The following NCR1 variants were observed in gnomAD, a reference collection of about 807,000 sequenced individuals.
NCR1 encodes the protein NK cell-activating receptor.
A neutral mutation model predicts 32.5 loss-of-function variants in NCR1; 30 were observed. The ratio of observed to expected loss-of-function variants is 0.92; its 90% CI spans 0.69 to 1.25. NCR1 has a LOEUF of 1.25. NCR1 is among the 50% of genes most tolerant of loss of function. The probability of loss-of-function intolerance (pLI) is 0.00; values close to 1 mark genes in which losing one functional copy is unlikely to be tolerated. For missense variants in NCR1, 369 were observed against 380.7 expected (o/e 0.97, Z 0.26); for synonymous variants, 169 against 143.4 (o/e 1.18, Z -1.28).
At chr19:54,924,004 G>T in the NCR1 span, 2 of 977,538 alleles carry the variant, frequency 2.0e-6, no homozygotes, top group Non-Finnish European at 3.1e-6. Context: ...GTCTTGCTCT[G>T]TTGCCCAGGC....
downstream of NCR1, among the ~76,000 whole-genome samples, chr19:54,920,915 G>A (rs1374376821): frequency 6.6e-6 from 1 of 152,002 alleles, no homozygotes; most frequent in Non-Finnish European, 1.5e-5. Flanking sequence ...AGACTAGCCT[G>A]GCCAACATGG....
At chr19:54,914,924 G>A (rs2068103927), downstream of NCR1, among the ~76,000 whole-genome samples, 1 of 151,896 alleles carries the variant, frequency 6.6e-6, no homozygotes, top group African/African-American at 2.4e-5. Flanking sequence ...TGCATCTTTA[G>A]TAGAGGTAGG....
the NCR1 span, chr19:54,936,134 G>C: frequency 1.2e-6 from 1 of 811,238 alleles, no homozygotes; most frequent in Non-Finnish European, 2.1e-6. Context: ...CCCCACACAG[G>C]CCTGTTTGAG....
intron 3 of NCR1, among the ~76,000 whole-genome samples, chr19:54,908,783 C>A (rs1359521121): frequency 6.6e-6 from 1 of 151,680 alleles, no homozygotes; most frequent in Admixed American, 6.6e-5. Context: ...GCATGTGCCA[C>A]CACACCCGGC....
At chr19:54,924,835 C>T in the NCR1 span, among the ~76,000 whole-genome samples, 12,845 of 152,084 alleles carry the variant, frequency 0.084, 577 homozygotes, top group South Asian at 0.12. Context: ...ACTCAGGAGG[C>T]TGAGACAGGA....
the NCR1 span, among the ~76,000 whole-genome samples, chr19:54,921,182 T>C: frequency 6.6e-6 from 1 of 152,154 alleles, no homozygotes; most frequent in South Asian, 2.1e-4. Context: ...TGTAGAACCC[T>C]AAATGTTGAC....
chr19:54,919,228 A>T (rs1358233097), downstream of NCR1, among the ~76,000 whole-genome samples: 1 of 125,260 alleles, frequency 8.0e-6, no homozygotes, highest in Non-Finnish European at 1.8e-5. Flanking sequence ...CAAAGAGACA[A>T]GAGAAAAGGC....
At chr19:54,930,521 T>A in the NCR1 span, 334 of 1,611,414 alleles carry the variant, frequency 2.1e-4, no homozygotes, top group Admixed American at 3.5e-4. Flanking sequence ...AGGTTACAGT[T>A]TGGATTCTCT....
chr19:54,931,041 AC>A, the NCR1 span, among the ~76,000 whole-genome samples: 2 of 152,062 alleles, frequency 1.3e-5, no homozygotes, highest in South Asian at 2.1e-4. Flanking sequence ...AACAACAACA[AC>A]AAAAAGTATT....
At chr19:54,904,521 G>GTTTTCTTTTC (rs1315407394), upstream of NCR1, among the ~76,000 whole-genome samples, 1 of 142,760 alleles carries the variant, frequency 7.0e-6, no homozygotes, top group African/African-American at 2.6e-5. Context: ...GTGGTATTTG[G>GTTTTCTTTTC]TTTTCTTTTC....
Position 54,906,544 on chromosome 19 carries a change from T to C in NCR1, c.92T>C (p.Ile31Thr). The C allele has an allele frequency of 6.2e-7, 1 of 1,610,024 alleles. No individual in the cohort carries two copies. Among genetic ancestry groups the C allele is most frequent in the Non-Finnish European group, 8.5e-7 (1 of 1,179,980 alleles). The stretch of plus-strand genomic sequence containing the variant: ...CCAGAGACTCTCCCAAAACCGTTCA[T>C]CTGGGCCGAGCCCCATTTCATGGTT... ...AQQQTLPKPF[I>T]WAEPHFMVPK... The change falls in exon 3 of 7, where the codon ATC becomes ACC. Residue 31 changes from isoleucine (I) to threonine (T), a missense_variant. By Grantham distance (89) the Ile-to-Thr change is moderately conservative. Coordinates refer to ENST00000291890, the MANE Select transcript of NCR1 (RefSeq NM_004829.7).
chr19:54,908,811 G>A (rs2146054879), intron 3 of NCR1, among the ~76,000 whole-genome samples: 1 of 152,022 alleles, frequency 6.6e-6, no homozygotes. Context: ...TGCATTTTTA[G>A]TAGAGACGGG....
At chr19:54,925,286 A>G in the NCR1 span, among the ~76,000 whole-genome samples, 1 of 152,156 alleles carries the variant, frequency 6.6e-6, no homozygotes, top group Admixed American at 6.5e-5. Flanking sequence ...CGGTCCCACC[A>G]ACAAGAGAAG....
At chr19:54,903,718 A>G (rs1373557471), upstream of NCR1, among the ~76,000 whole-genome samples, 3 of 150,388 alleles carry the variant, frequency 2.0e-5, no homozygotes, top group Admixed American at 1.3e-4. Context: ...GTATATATGT[A>G]TATATGTGTG....
chr19:54,903,710 A>G (rs1419288889), upstream of NCR1, among the ~76,000 whole-genome samples: 8 of 148,138 alleles, frequency 5.4e-5, no homozygotes, highest in Non-Finnish European at 1.2e-4. Context: ...TATAAAAGGT[A>G]TATATGTATA....
downstream of NCR1, among the ~76,000 whole-genome samples, chr19:54,920,935 G>A (rs1158105238): frequency 2.6e-5 from 4 of 151,920 alleles, no homozygotes; most frequent in Admixed American, 6.6e-5. Flanking sequence ...GTGAAATCAC[G>A]CCACTGCACT....
At chr19:54,922,385 T>C in the NCR1 span, among the ~76,000 whole-genome samples, 7 of 151,964 alleles carry the variant, frequency 4.6e-5, no homozygotes, top group African/African-American at 1.5e-4. Context: ...GGAAAAGCTG[T>C]GTTTGCCATG....
chr19:54,934,852 G>C, the NCR1 span, among the ~76,000 whole-genome samples: 1 of 152,022 alleles, frequency 6.6e-6, no homozygotes, highest in African/African-American at 2.4e-5. The surrounding 1 kb of genome is among the most constrained non-coding windows in gnomAD (Gnocchi z 6.7). Context: ...TGGGATTACA[G>C]GCATTCGCCA....
At chr19:54,904,102 G>C (rs2067387886), upstream of NCR1, among the ~76,000 whole-genome samples, 1 of 138,332 alleles carries the variant, frequency 7.2e-6, no homozygotes, top group Non-Finnish European at 1.5e-5. Flanking sequence ...CCACAGCCTG[G>C]GCAACAGAGC....
Sources: allele counts gnomAD v4.1 joint callset (sites outside exome capture counted in the v4.1 genomes callset), GRCh38; gene constraint gnomAD v4.1.1; non-coding constraint Gnocchi (gnomAD v3.1); transcripts MANE v1.5; gene names NCBI Gene and HGNC (gene_info 2026-07-23, HGNC 2026-07-21).